The following CACNA1C variants were observed in gnomAD, a reference collection of about 807,000 sequenced individuals.
CACNA1C encodes calcium voltage-gated channel subunit alpha1 C.
CACNA1C carries 30 observed loss-of-function variants against 229.0 expected under a neutral mutation model. The ratio of observed to expected loss-of-function variants is 0.13; its 90% CI spans 0.10 to 0.18. The LOEUF (loss-of-function observed/expected upper bound fraction) is 0.18, where lower values mean the gene tolerates loss of function less well. Ranked by LOEUF, CACNA1C falls within the 10% of genes least tolerant of loss-of-function variation. The pLI is 1.00. For synonymous variants in CACNA1C, 1,114 were observed against 1,132.5 expected, an observed-to-expected ratio of 0.98 and a Z score of 0.33; for missense variants, 1,658 against 2,845.0, an observed-to-expected ratio of 0.58 and a Z score of 9.49.
At chr12:2,411,907 A>G (rs1186039448) in intron 3 of CACNA1C, among the ~76,000 whole-genome samples, 1 of 152,206 alleles carries the variant, frequency 6.6e-6, no homozygotes, top group African/African-American at 2.4e-5. Context: ...AGGGGCCATG[A>G]AAGGGGAAGG....
chr12:2,517,413 CA>C (rs1426220082), intron 9 of CACNA1C, among the ~76,000 whole-genome samples: 3 of 152,202 alleles, frequency 2.0e-5, no homozygotes, highest in Non-Finnish European at 4.4e-5. Context: ...TTCCCTTCTA[CA>C]GCAATGCCAA....
At chr12:2,033,658 AAAC>A (rs2048608796) in intron 1 of CACNA1C, among the ~76,000 whole-genome samples, 1 of 152,184 alleles carries the variant, frequency 6.6e-6, no homozygotes, top group African/African-American at 2.4e-5. Context: ...AACAACAACA[AAAC>A]AACAACAACA....
intron 5 of CACNA1C, among the ~76,000 whole-genome samples, chr12:2,474,781 G>GAAA (rs1316311463): frequency 6.8e-6 from 1 of 147,748 alleles, no homozygotes; most frequent in Non-Finnish European, 1.5e-5. Context: ...AAGAAAGAAA[G>GAAA]AAAAAGAAAA....
chr12:2,450,051 A>G (rs189497182), intron 4 of CACNA1C, among the ~76,000 whole-genome samples: 200 of 152,302 alleles, frequency 1.3e-3, no homozygotes, highest in Non-Finnish European at 1.4e-3. Context: ...CCAAACCCCA[A>G]TCAAATGCAG....
In CACNA1C at chr12:2,053,452, T is replaced by G; in HGVS notation, c.-111T>G. ...TGCAGACCACGGCTTCCTCGAATCT[T>G]GCGCGAAAGCCGCCGGCCTCGGAGG... On this transcript the variant is annotated 5_prime_UTR_variant, in exon 1 of 47. Transcript: ENST00000399655. The surrounding 1 kb of genome is among the most constrained non-coding windows in gnomAD (Gnocchi z 5.8). The G allele has an allele frequency of 3.4e-6, 5 of 1,479,462 alleles. No homozygotes were observed. The highest frequency in any genetic ancestry group is 4.5e-6 in the Non-Finnish European group (5 of 1,107,576). 91.6% of individuals were successfully genotyped at this position (1,479,462 alleles called of 1,614,324 possible).
chr12:2,236,768 G>A (rs553730935), intron 3 of CACNA1C, among the ~76,000 whole-genome samples: 1 of 152,302 alleles, frequency 6.6e-6, no homozygotes, highest in South Asian at 2.1e-4. Context: ...CCTGAGCAGA[G>A]GCGATAGTTG....
chr12:2,449,625 CA>C lies in CACNA1C; in HGVS notation c.617+511del, dbSNP rs2099338925. Among the ~76,000 whole-genome samples, 2 of 152,226 alleles carry C rather than the reference CA, an allele frequency of 1.3e-5. 1 individual carries two copies. Among genetic ancestry groups the C allele is most frequent in the South Asian group, 4.1e-4 (2 of 4,834 alleles). On this transcript the variant is annotated intron_variant, in intron 4 of 46. Transcript: ENST00000399655. Reference sequence around the variant, plus strand: ...TTGAATTCAGACTTCCCCAGAGGGACAGGGGCTATGACCCAAGAGCACCCCT... The same window carrying C: ...TTGAATTCAGACTTCCCCAGAGGGACGGGGCTATGACCCAAGAGCACCCCT...
intron 3 of CACNA1C, among the ~76,000 whole-genome samples, chr12:2,292,675 G>C (rs1221267896): frequency 6.6e-6 from 1 of 152,224 alleles, no homozygotes; most frequent in Non-Finnish European, 1.5e-5. Flanking sequence ...TTGGTGGAGA[G>C]GGTGAGCAGG....
chr12:2,571,497 T>G (rs2054391970), intron 13 of CACNA1C, among the ~76,000 whole-genome samples: 1 of 152,252 alleles, frequency 6.6e-6, no homozygotes, highest in Non-Finnish European at 1.5e-5. Flanking sequence ...GAAATCTTGC[T>G]GCTATATATT....
chr12:2,439,981 A>G (rs1049047434), intron 3 of CACNA1C, among the ~76,000 whole-genome samples: 3 of 152,152 alleles, frequency 2.0e-5, no homozygotes, highest in African/African-American at 7.2e-5. Flanking sequence ...CAGGATTGTG[A>G]AATCACAGCA....
At chr12:2,190,317 G>A (rs1325849902) in intron 3 of CACNA1C, among the ~76,000 whole-genome samples, 1 of 152,176 alleles carries the variant, frequency 6.6e-6, no homozygotes, top group African/African-American at 2.4e-5. Context: ...TCCCAGGTAA[G>A]GTTTTTGTCA....
At chr12:2,445,837 A>T (rs1048402501) in intron 3 of CACNA1C, among the ~76,000 whole-genome samples, 2 of 152,156 alleles carry the variant, frequency 1.3e-5, no homozygotes. Context: ...CCCAGCATAT[A>T]GGGCCCTCAG....
intron 3 of CACNA1C, among the ~76,000 whole-genome samples, chr12:2,150,786 G>A (rs1376186430): frequency 1.3e-5 from 2 of 152,204 alleles, no homozygotes; most frequent in African/African-American, 4.8e-5. Flanking sequence ...GAGAGGTAGA[G>A]ATGGAGAAAC....
At chr12:2,241,360 G>A (rs2154374221) in intron 3 of CACNA1C, among the ~76,000 whole-genome samples, 1 of 152,256 alleles carries the variant, frequency 6.6e-6, no homozygotes, top group East Asian at 1.9e-4. Flanking sequence ...ACGTGAAAGA[G>A]CTGGAGTTCA....
chr12:2,214,971 C>T (rs544460573), intron 3 of CACNA1C, among the ~76,000 whole-genome samples: 1 of 152,200 alleles, frequency 6.6e-6, no homozygotes, highest in East Asian at 1.9e-4. Context: ...CGTCCCCTTT[C>T]CCCCAGCGAG....
At chr12:2,286,615 A>G (rs2092715963) in intron 3 of CACNA1C, among the ~76,000 whole-genome samples, 1 of 152,044 alleles carries the variant, frequency 6.6e-6, no homozygotes, top group Non-Finnish European at 1.5e-5. Context: ...TCAAGTGTGG[A>G]TGGTGTGCCG....
intron 30 of CACNA1C, among the ~76,000 whole-genome samples, chr12:2,635,989 C>T (rs563724373): frequency 6.6e-6 from 1 of 152,352 alleles, no homozygotes; most frequent in South Asian, 2.1e-4. Flanking sequence ...TCTGAATGGA[C>T]CCCAGTTTTG....
chr12:2,474,406 G>A lies in CACNA1C; in HGVS notation c.758-11698G>A, dbSNP rs554199490. Among the ~76,000 whole-genome samples the A allele has an allele frequency of 8.8e-4, 134 of 152,332 alleles. 1 individual carries two copies. Among genetic ancestry groups the A allele is most frequent in the African/African-American group, 3.0e-3 (126 of 41,562 alleles). ...AAAACCCAGTTGTCTGGTTCTGGGA[G>A]TGAGTGTGGCAGGAAAAGCTACAGG... On this transcript the variant is annotated intron_variant, in intron 5 of 46. Transcript: ENST00000399655.
intron 5 of CACNA1C, among the ~76,000 whole-genome samples, chr12:2,468,461 T>A (rs1269702833): frequency 3.3e-5 from 5 of 149,510 alleles, no homozygotes; most frequent in Non-Finnish European, 7.3e-5. Flanking sequence ...CACAGGGACG[T>A]TATCCCTAAT....
Sources: gnomAD v4.1 joint callset for allele counts (sites outside exome capture counted in the v4.1 genomes callset) on GRCh38, gnomAD v4.1.1 for gene constraint, Gnocchi (gnomAD v3.1) non-coding constraint, MANE v1.5 for transcripts, NCBI Gene and HGNC (gene_info 2026-07-23, HGNC 2026-07-21) for gene names.